Variants in ATRNL1 observed in about 807,000 individuals in gnomAD.
The protein encoded by ATRNL1 is attractin-like protein 1.
ATRNL1 carries 95 observed loss-of-function variants against 182.7 expected under a neutral mutation model. The ratio of observed to expected loss-of-function variants is 0.52; its 90% CI spans 0.44 to 0.62. The LOEUF (loss-of-function observed/expected upper bound fraction) is 0.62, where lower values mean the gene tolerates loss of function less well. Among genes scored for constraint, ATRNL1 ranks in the 20% least tolerant of loss-of-function variants. ATRNL1 has a pLI of 0.00. For synonymous variants in ATRNL1, 576 were observed against 568.3 expected (o/e 1.01, Z -0.19); for missense variants, 1,471 against 1,679.5 (o/e 0.88, Z 2.17).
At chr10:115,367,475 T>C (rs1250058035) in intron 19 of ATRNL1, among the ~76,000 whole-genome samples, 1 of 150,096 alleles carries the variant, frequency 6.7e-6, no homozygotes, top group African/African-American at 2.4e-5. Context: ...TGTCCTCCCA[T>C]AGCTCAGAGT....
In ATRNL1 at chr10:115,752,182, A is replaced by G. The variant is rs144017481; in HGVS notation, c.3903+24827A>G. ...ATAGAGGATGGAGTTCATTAAAAAT[A>G]TTTATTCAGAATTCATTATGACCTC... On this transcript the variant is annotated intron_variant, in intron 27 of 28. Transcript: ENST00000355044. Among the ~76,000 whole-genome samples the G allele has an allele frequency of 3.5e-3, 538 of 152,208 alleles. 3 individuals are homozygous for G. The highest frequency in any genetic ancestry group is 0.014 in the Middle Eastern group (4 of 294).
chr10:115,750,299 CAG>C (rs1327221172), intron 27 of ATRNL1, among the ~76,000 whole-genome samples: 3 of 151,456 alleles, frequency 2.0e-5, no homozygotes, highest in Non-Finnish European at 4.4e-5. Flanking sequence ...TTAATAAAAA[CAG>C]AATTAAAATA....
intron 27 of ATRNL1, among the ~76,000 whole-genome samples, chr10:115,808,726 G>C (rs1201679600): frequency 6.6e-6 from 1 of 152,004 alleles, no homozygotes; most frequent in Non-Finnish European, 1.5e-5. Flanking sequence ...CATTCTATTG[G>C]GTACCTTATG....
intron 1 of ATRNL1, among the ~76,000 whole-genome samples, chr10:115,110,470 T>G (rs1158878324): frequency 6.6e-6 from 1 of 152,154 alleles, no homozygotes; most frequent in East Asian, 1.9e-4. Flanking sequence ...TGGGACCTCA[T>G]TCATATAACT....
chr10:115,352,664 G>A (rs1388893799), intron 19 of ATRNL1, among the ~76,000 whole-genome samples: 4 of 152,062 alleles, frequency 2.6e-5, no homozygotes, highest in African/African-American at 4.8e-5. Flanking sequence ...TTGGGAGGCC[G>A]AGGCAGCTGG....
At chr10:115,680,520 A>C (rs1946012694) in intron 26 of ATRNL1, among the ~76,000 whole-genome samples, 2 of 152,182 alleles carry the variant, frequency 1.3e-5, no homozygotes, top group South Asian at 4.1e-4. Flanking sequence ...TGAGCATTGC[A>C]GTCTCTTCTA....
In ATRNL1 at chr10:115,520,467, A is replaced by C. The variant is rs57787343; in HGVS notation, c.3716+1143A>C. On this transcript the variant is annotated intron_variant, in intron 25 of 28. Coordinates refer to ENST00000355044, the MANE Select transcript of ATRNL1 (RefSeq NM_207303.4). ...CTATAGTGTTAAAGCAGACAAAGCC[A>C]ATATGGAAACAAATGGGAGTGGCTG... Among the ~76,000 whole-genome samples, 1,230 of 152,334 alleles carry C rather than the reference A, an allele frequency of 8.1e-3. 18 individuals are homozygous for C. Among genetic ancestry groups the C allele is most frequent in the African/African-American group, 0.028 (1,182 of 41,580 alleles).
chr10:115,616,099 G>A (rs61881093), intron 26 of ATRNL1, among the ~76,000 whole-genome samples: 1 of 152,080 alleles, frequency 6.6e-6, no homozygotes, highest in Non-Finnish European at 1.5e-5. Flanking sequence ...GACAGTAAAG[G>A]TGAGGCTGAT....
intron 27 of ATRNL1, among the ~76,000 whole-genome samples, chr10:115,772,997 G>A (rs527870464): frequency 2.0e-5 from 3 of 152,218 alleles, no homozygotes; most frequent in East Asian, 1.9e-4. Context: ...ATTGATATTT[G>A]ATTGGGGAGG....
At chr10:115,429,885 T>G (rs1034907262) in intron 21 of ATRNL1, among the ~76,000 whole-genome samples, 11 of 151,890 alleles carry the variant, frequency 7.2e-5, no homozygotes, top group Middle Eastern at 3.2e-3. Flanking sequence ...GGCTAACGCG[T>G]TGAAACCCCG....
intron 28 of ATRNL1, among the ~76,000 whole-genome samples, chr10:115,906,679 T>G (rs1443326370): frequency 3.3e-5 from 5 of 152,204 alleles, no homozygotes; most frequent in African/African-American, 4.8e-5. Context: ...TTCAAAGTTT[T>G]CGTATTACTT....
intron 28 of ATRNL1, among the ~76,000 whole-genome samples, chr10:115,859,018 G>A (rs1356240517): frequency 6.6e-6 from 1 of 151,888 alleles, no homozygotes; most frequent in Non-Finnish European, 1.5e-5. Context: ...TTCCTGGTTT[G>A]CAGATGATCA....
chr10:115,597,564 G>T, intron 26 of ATRNL1: 2 of 388,676 alleles, frequency 5.1e-6, no homozygotes, highest in South Asian at 1.8e-5. Flanking sequence ...TTCATTTATG[G>T]GAGCTTTTTT....
At chr10:115,561,105 A>T (rs1296490392) in intron 26 of ATRNL1, among the ~76,000 whole-genome samples, 1 of 152,128 alleles carries the variant, frequency 6.6e-6, no homozygotes, top group Non-Finnish European at 1.5e-5. Context: ...CTTCTTAGAC[A>T]TGACATCAAA....
chr10:115,790,308 G>T (rs1470960339), intron 27 of ATRNL1, among the ~76,000 whole-genome samples: 7 of 151,088 alleles, frequency 4.6e-5, no homozygotes, highest in Non-Finnish European at 2.9e-5. Flanking sequence ...TCCTTGAATT[G>T]ACTTGCTTAT....
chr10:115,646,111 T>C (rs1158035048), intron 26 of ATRNL1, among the ~76,000 whole-genome samples: 2 of 151,140 alleles, frequency 1.3e-5, no homozygotes, highest in Non-Finnish European at 2.9e-5. Flanking sequence ...CTAGAAGTTA[T>C]GGATGATCTG....
chr10:115,936,652 T>A (rs550544812), intron 28 of ATRNL1, among the ~76,000 whole-genome samples: 1 of 152,266 alleles, frequency 6.6e-6, no homozygotes, highest in Admixed American at 6.5e-5. Flanking sequence ...ATTTTTCCAC[T>A]AGAAATACTG....
chr10:115,500,397 A>G (rs1438475486), intron 24 of ATRNL1, among the ~76,000 whole-genome samples: 2 of 152,154 alleles, frequency 1.3e-5, no homozygotes, highest in African/African-American at 2.4e-5. Context: ...ATTGAAAAAC[A>G]TTAGGCAAGA....
At chr10:115,187,698 C>CTT (rs1194596327) in intron 8 of ATRNL1, among the ~76,000 whole-genome samples, 2 of 109,008 alleles carry the variant, frequency 1.8e-5, no homozygotes, top group African/African-American at 3.5e-5. Flanking sequence ...TTTCTTTTTT[C>CTT]TTTTTTTTTT....
Sources: gnomAD v4.1 joint callset for allele counts (sites outside exome capture counted in the v4.1 genomes callset) on GRCh38, gnomAD v4.1.1 for gene constraint, MANE v1.5 for transcripts, NCBI Gene and HGNC (gene_info 2026-07-23, HGNC 2026-07-21) for gene names.